RBFOX3: variants seen among roughly 807,000 people sequenced by gnomAD.
RBFOX3 encodes the protein RNA binding fox-1 homolog 3.
A neutral mutation model predicts 48.7 loss-of-function variants in RBFOX3; 17 were observed. That is an observed-to-expected ratio of 0.35 (90% CI 0.24 to 0.52). RBFOX3 has a LOEUF of 0.52. Among genes scored for constraint, RBFOX3 ranks in the 20% least tolerant of loss-of-function variants. The probability of loss-of-function intolerance (pLI) is 0.94; values close to 1 mark genes in which losing one functional copy is unlikely to be tolerated. For synonymous variants in RBFOX3, 212 were observed against 209.5 expected (o/e 1.01, Z -0.10); for missense variants, 382 against 497.5 (o/e 0.77, Z 2.21).
At chr17:79,633,794 C>G in the RBFOX3 span, among the ~76,000 whole-genome samples, 1 of 152,158 alleles carries the variant, frequency 6.6e-6, no homozygotes, top group African/African-American at 2.4e-5. Flanking sequence ...AACCCTTCAC[C>G]CCAGTGAGTG....
chr17:79,458,240 A>T (rs2074851041), intron 2 of RBFOX3, among the ~76,000 whole-genome samples: 2 of 152,204 alleles, frequency 1.3e-5, no homozygotes, highest in Non-Finnish European at 2.9e-5. Context: ...ATATGCTCTG[A>T]ATCTGTCAGG....
rs2061399435 is a variant in RBFOX3 at position 79,391,783 on chromosome 17, T to C, written c.-174-83959A>G. ...TGTGGAGACACCAGGACCACCAACA[T>C]GCATGACAACGAGAACCAGTACGCA... On this transcript the variant is annotated intron_variant, in intron 2 of 14. Coordinates refer to ENST00000693108, the MANE Select transcript of RBFOX3 (RefSeq NM_001350451.2). The surrounding 1 kb of genome is among the most constrained non-coding windows in gnomAD (Gnocchi z 5.0). Among the ~76,000 whole-genome samples, 1 of 152,012 alleles carries C rather than the reference T, an allele frequency of 6.6e-6. No homozygotes were observed. Among genetic ancestry groups the C allele is most frequent in the African/African-American group, 2.4e-5 (1 of 41,384 alleles).
At chr17:79,190,134 G>A (rs779005889) in intron 4 of RBFOX3, among the ~76,000 whole-genome samples, 19 of 152,220 alleles carry the variant, frequency 1.2e-4, no homozygotes, top group Non-Finnish European at 1.9e-4. Context: ...AGTGAAGGCC[G>A]GGTGCAGTGG....
chr17:79,404,507 G>A (rs2063292441), intron 2 of RBFOX3, among the ~76,000 whole-genome samples: 1 of 152,220 alleles, frequency 6.6e-6, no homozygotes, highest in Non-Finnish European at 1.5e-5. Flanking sequence ...GACACAGATG[G>A]ACGCAGAGGG....
At chr17:79,578,776 A>G (rs954289189) in intron 1 of RBFOX3, among the ~76,000 whole-genome samples, 1 of 152,232 alleles carries the variant, frequency 6.6e-6, no homozygotes, top group Non-Finnish European at 1.5e-5. Context: ...TAGCTGGTGT[A>G]GGGTTTGCTT....
In RBFOX3 at chr17:79,220,338, C is replaced by T. The variant is rs911003353; in HGVS notation, c.-34+15428G>A. Among the ~76,000 whole-genome samples, 16 of 152,328 alleles carry T rather than the reference C, an allele frequency of 1.1e-4. No individual in the cohort carries two copies. Among genetic ancestry groups the T allele is most frequent in the African/African-American group, 3.8e-4 (16 of 41,576 alleles). On this transcript the variant is annotated intron_variant, in intron 4 of 14. Transcript: ENST00000693108. This position sits in a 1 kb window ranked among gnomAD's most constrained non-coding sequence, Gnocchi z 5.9. Reference sequence around the variant, plus strand: ...CACTCAGTTTAGCTGTCACTTGCAGCTGTCTTAGGAAGTGCGGCTCTCCTC... The same window carrying T: ...CACTCAGTTTAGCTGTCACTTGCAGTTGTCTTAGGAAGTGCGGCTCTCCTC...
At chr17:79,357,309 T>C (rs1326346395) in intron 2 of RBFOX3, among the ~76,000 whole-genome samples, 2 of 152,152 alleles carry the variant, frequency 1.3e-5, no homozygotes, top group Non-Finnish European at 2.9e-5. Flanking sequence ...GGAGCAAAAG[T>C]AAAGCTTCAT....
chr17:79,609,475 G>A lies in RBFOX3; in HGVS notation c.-320+1351C>T, dbSNP rs1291626312. Among the ~76,000 whole-genome samples the A allele has an allele frequency of 3.9e-5, 6 of 152,308 alleles. No individual in the cohort carries two copies. In the East Asian group the frequency reaches 1.2e-3, roughly 29 times the overall value. ...TCTCTGTCCTTAGCCTCCACCGTGG[G>A]GTGTCTCGCGCGTCGGGACTAGCGG... On this transcript the variant is annotated intron_variant, in intron 1 of 14. Transcript: ENST00000693108.
At position 79,282,849 on chromosome 17, in the gene RBFOX3, T is replaced by C. The variant is rs72848026; in HGVS notation, c.-74+24875A>G. On this transcript the variant is annotated intron_variant, in intron 3 of 14. Transcript: ENST00000693108. ...GATGGAGGCTGGAGAAAGAGGCTGG[T>C]CTACTGGACACCCACAAAACAAGAC... Among the ~76,000 whole-genome samples the C allele has an allele frequency of 8.6e-3, 1,308 of 152,332 alleles. 7 individuals are homozygous for C. The highest frequency in any genetic ancestry group is 0.013 in the Non-Finnish European group (872 of 68,008).
intron 4 of RBFOX3, among the ~76,000 whole-genome samples, chr17:79,184,493 C>T (rs2052989037): frequency 6.6e-6 from 1 of 152,158 alleles, no homozygotes; most frequent in Non-Finnish European, 1.5e-5. Context: ...CTTCAGCGGC[C>T]ACACACACAC....
chr17:79,554,011 G>A (rs962518102), intron 1 of RBFOX3, among the ~76,000 whole-genome samples: 94 of 152,320 alleles, frequency 6.2e-4, no homozygotes, highest in African/African-American at 2.0e-3. Context: ...TGGGATTACA[G>A]GCGTGAGCCA....
intron 2 of RBFOX3, among the ~76,000 whole-genome samples, chr17:79,411,008 C>T (rs763054386): frequency 1.4e-4 from 22 of 152,326 alleles, no homozygotes; most frequent in Admixed American, 3.9e-4. Context: ...GCAGAGACCC[C>T]GCTTTCTACT....
intron 4 of RBFOX3, among the ~76,000 whole-genome samples, chr17:79,157,977 G>A (rs2042657839): frequency 6.6e-6 from 1 of 152,204 alleles, no homozygotes; most frequent in South Asian, 2.1e-4. Flanking sequence ...CTACGCTGAA[G>A]TCCTAACCCC....
chr17:79,492,195 T>C (rs1172457457), intron 1 of RBFOX3, among the ~76,000 whole-genome samples: 1 of 152,238 alleles, frequency 6.6e-6, no homozygotes, highest in Non-Finnish European at 1.5e-5. Context: ...GGTTGGTCAG[T>C]GGTGGTGCTA....
Position 79,204,435 on chromosome 17 carries a change from C to T in RBFOX3, c.-34+31331G>A, listed in dbSNP as rs1341851731. 6.6e-6 allele frequency among the ~76,000 whole-genome samples: 1 copy of T among 152,134 alleles called. No individual in the cohort carries two copies. Among genetic ancestry groups the T allele is most frequent in the Non-Finnish European group, 1.5e-5 (1 of 68,024 alleles). ...CTTCTCATGACTCAGGGCTTAATATCCTGGAAAGGACACGCGTACCAGTCC... is the reference window on the plus strand; with the variant it reads ...CTTCTCATGACTCAGGGCTTAATATTCTGGAAAGGACACGCGTACCAGTCC... On this transcript the variant is annotated intron_variant, in intron 4 of 14. Transcript: ENST00000693108. The surrounding 1 kb of genome is among the most constrained non-coding windows in gnomAD (Gnocchi z 4.5).
At chr17:79,225,025 C>T (rs2060151519) in intron 4 of RBFOX3, among the ~76,000 whole-genome samples, 2 of 152,184 alleles carry the variant, frequency 1.3e-5, no homozygotes, top group Non-Finnish European at 2.9e-5. Flanking sequence ...GTTGAGAGCC[C>T]AGCCTTGTGG....
the RBFOX3 span, among the ~76,000 whole-genome samples, chr17:79,643,878 C>A: frequency 7.2e-6 from 1 of 139,406 alleles, no homozygotes; most frequent in East Asian, 2.1e-4. Flanking sequence ...CCTTACAAAA[C>A]TTTTTCTTAA....
At chr17:79,232,638 A>T (rs1356190663) in intron 4 of RBFOX3, among the ~76,000 whole-genome samples, 1 of 152,270 alleles carries the variant, frequency 6.6e-6, no homozygotes, top group Non-Finnish European at 1.5e-5. Context: ...CTAATTTGAG[A>T]TAAATCGTGG....
chr17:79,626,479 A>G, the RBFOX3 span, among the ~76,000 whole-genome samples: 3 of 152,222 alleles, frequency 2.0e-5, no homozygotes, highest in African/African-American at 7.2e-5. Context: ...CCGGGGCTTA[A>G]TACTAAAATC....
Sources: allele counts gnomAD v4.1 joint callset (sites outside exome capture counted in the v4.1 genomes callset), GRCh38; gene constraint gnomAD v4.1.1; non-coding constraint Gnocchi (gnomAD v3.1); transcripts MANE v1.5; gene names NCBI Gene and HGNC (gene_info 2026-07-23, HGNC 2026-07-21).